Variants in ABHD12 observed in about 807,000 individuals in gnomAD.
ABHD12 encodes the protein lysophosphatidylserine lipase ABHD12.
ABHD12 carries 43 observed loss-of-function variants against 58.3 expected under a neutral mutation model. The ratio of observed to expected loss-of-function variants is 0.74; its 90% CI spans 0.58 to 0.95. The LOEUF (loss-of-function observed/expected upper bound fraction) is 0.95. Among genes scored for constraint, ABHD12 ranks in the 40% least tolerant of loss-of-function variants. The probability of loss-of-function intolerance (pLI) is 0.00; values close to 1 mark genes in which losing one functional copy is unlikely to be tolerated. For synonymous variants in ABHD12, 219 were observed against 211.2 expected, an observed-to-expected ratio of 1.04 and a Z score of -0.32; for missense variants, 539 against 537.2, an observed-to-expected ratio of 1.00 and a Z score of -0.03.
At chr20:25,390,284 G>C in intron 1 of ABHD12, 1 of 417,120 alleles carries the variant, frequency 2.4e-6, no homozygotes, top group Non-Finnish European at 4.2e-6. Context: ...GCAGGACACA[G>C]GGGGTCAGCG....
In ABHD12 at chr20:25,390,544, C is replaced by A. The variant is rs1351511397; in HGVS notation, c.160G>T (p.Ala54Ser). The A allele has an allele frequency of 2.1e-6, 3 of 1,450,044 alleles. No homozygotes were observed. Among genetic ancestry groups the A allele is most frequent in the Non-Finnish European group, 2.7e-6 (3 of 1,105,548 alleles). The allele number at this position is 1,450,044 out of a possible 1,614,324, so 89.8% of individuals were successfully genotyped here. ...GPAAAEPRCAADAGMKRALGR... is the reference protein window; with the variant it reads ...GPAAAEPRCASDAGMKRALGR... Reference sequence around the variant, plus strand: ...AGCGCCCGCTTCATTCCCGCGTCGGCTGCGCAGCGCGGCTCAGCCGCCGCC... The same window carrying A: ...AGCGCCCGCTTCATTCCCGCGTCGGATGCGCAGCGCGGCTCAGCCGCCGCC... The change falls in exon 1 of 13, where the codon GCC (alanine) becomes TCC (serine). Residue 54 changes from alanine to serine, a missense_variant. By Grantham distance (99) the Ala-to-Ser change is moderately conservative (BLOSUM62 1). Coordinates refer to ENST00000339157, the MANE Select transcript of ABHD12 (RefSeq NM_001042472.3).
rs1031849754 is a variant in ABHD12 at position 25,322,381 on chromosome 20, A to T, written c.422+944T>A. Among the ~76,000 whole-genome samples the T allele has an allele frequency of 3.8e-3, 223 of 59,262 alleles. 12 individuals are homozygous for T. The highest frequency in any genetic ancestry group is 0.011 in the African/African-American group (138 of 12,092). The allele number at this position is 59,262 out of a possible 152,430, so 38.9% of individuals were successfully genotyped here. On this transcript the variant is annotated intron_variant, in intron 3 of 12. Coordinates refer to ENST00000339157, the MANE Select transcript of ABHD12 (RefSeq NM_001042472.3). The stretch of plus-strand genomic sequence containing the variant: ...GGAAAAGATATATATATATATATAT[A>T]TTTTTTTTTTTTTTTGAGACAAGAG...
chr20:25,302,574 C>T (rs2088657724), intron 11 of ABHD12, among the ~76,000 whole-genome samples: 2 of 152,218 alleles, frequency 1.3e-5, no homozygotes, highest in East Asian at 3.9e-4. Flanking sequence ...GTCCTCACAC[C>T]TTATAGACTA....
chr20:25,337,280 CAACAAAACAAAAT>C (rs2089387946), intron 2 of ABHD12, among the ~76,000 whole-genome samples: 1 of 152,122 alleles, frequency 6.6e-6, no homozygotes, highest in Non-Finnish European at 1.5e-5. Context: ...CAAAACAAAA[CAACAAAACAAAAT>C]GCCACTGTAG....
At chr20:25,296,644 A>G, downstream of ABHD12, 1 of 1,309,816 alleles carries the variant, frequency 7.6e-7, no homozygotes, top group South Asian at 1.5e-5. Flanking sequence ...CCATGTTTCC[A>G]GGAGGGGCCA....
At position 25,323,439 on chromosome 20, in the gene ABHD12, A is replaced by C. The variant is rs774242737; in HGVS notation, c.317-9T>G. 2 of 1,546,476 alleles carry C rather than the reference A, an allele frequency of 1.3e-6. No individual in the cohort carries two copies. Among genetic ancestry groups the C allele is most frequent in the Non-Finnish European group, 8.9e-7 (1 of 1,118,260 alleles). ...GAAATAGGGAACTCTTACTGTAGGA[A>C]ATAAAGAGATGGAAATTAGGATTAC... is the stretch of plus-strand genomic sequence containing the variant. On this transcript the variant is annotated splice_polypyrimidine_tract_variant and intron_variant, in intron 2 of 12. Coordinates refer to ENST00000339157, the MANE Select transcript of ABHD12 (RefSeq NM_001042472.3).
rs1358370491 is a variant in ABHD12 at position 25,330,527 on chromosome 20, A to G, written c.317-7097T>C. On this transcript the variant is annotated intron_variant, in intron 2 of 12. Coordinates refer to ENST00000339157, the MANE Select transcript of ABHD12 (RefSeq NM_001042472.3). ...CTGGGGGCAGGGCACAGACAAAGAA[A>G]AAGACAGCAGTAACCTCTGCAGACT... Among the ~76,000 whole-genome samples, 3 of 152,356 alleles carry G rather than the reference A, an allele frequency of 2.0e-5. No homozygotes were observed. In the East Asian group the frequency reaches 5.8e-4, roughly 29 times the overall value.
chr20:25,300,787 G>GACTGGAGGAAA lies in ABHD12; in HGVS notation c.*47_*57dup. On this transcript the variant is annotated 3_prime_UTR_variant, in exon 13 of 13. Coordinates refer to ENST00000339157, the MANE Select transcript of ABHD12 (RefSeq NM_001042472.3). ...CGGGGCTTCAGGATACCGGGCTGCT[G>GACTGGAGGAAA]ACTGGAGGAAAACGGGAGGAGGGCA... 1 of 1,613,518 alleles carries GACTGGAGGAAA rather than the reference G, an allele frequency of 6.2e-7. No homozygotes were observed. Among genetic ancestry groups the GACTGGAGGAAA allele is most frequent in the East Asian group, 2.2e-5 (1 of 44,878 alleles).
chr20:25,297,687 C>T (rs905487196), downstream of ABHD12: 4 of 152,306 alleles, frequency 2.6e-5, no homozygotes, highest in African/African-American at 9.6e-5. Context: ...CTGTCCTTCC[C>T]TGTGGAATTG....
downstream of ABHD12, among the ~76,000 whole-genome samples, chr20:25,299,144 T>C (rs2145911274): frequency 6.6e-6 from 1 of 152,356 alleles, no homozygotes; most frequent in South Asian, 2.1e-4. Context: ...GGCTCATGCC[T>C]ATAATCCCAG....
intron 2 of ABHD12, among the ~76,000 whole-genome samples, chr20:25,328,555 A>G (rs1014414047): frequency 6.6e-6 from 1 of 152,246 alleles, no homozygotes; most frequent in Non-Finnish European, 1.5e-5. Context: ...CTGTGTCTGC[A>G]GAAGAATGCC....
At chr20:25,388,789 T>C (rs1432697875) in intron 1 of ABHD12, among the ~76,000 whole-genome samples, 1 of 137,614 alleles carries the variant, frequency 7.3e-6, no homozygotes, top group Non-Finnish European at 1.5e-5. Flanking sequence ...GATTTTTTCT[T>C]TTTTTTTTTT....
intron 6 of ABHD12, among the ~76,000 whole-genome samples, chr20:25,314,381 AT>A (rs1342682982): frequency 6.6e-6 from 1 of 152,168 alleles, no homozygotes; most frequent in Non-Finnish European, 1.5e-5. Flanking sequence ...GTATCTTCTA[AT>A]TTAAAATGCT....
chr20:25,320,148 C>G, intron 4 of ABHD12, 51 bp downstream of exon 4: 1 of 1,609,816 alleles, frequency 6.2e-7, no homozygotes, highest in East Asian at 2.2e-5. Flanking sequence ...CATTCCCACC[C>G]CAAAAAGGAG....
At position 25,308,450 on chromosome 20, in the gene ABHD12, C is replaced by T. The variant is rs1309721687; in HGVS notation, c.787+7G>A. The T allele has an allele frequency of 6.2e-7, 1 of 1,611,190 alleles. No individual in the cohort carries two copies. ...CTGCCACGGCTGGGGCCCAACAAGG[C>T]ACTCACCTCGCTCACAGAGGCGCCG... On this transcript the variant is annotated splice_region_variant and intron_variant, in intron 8 of 12. Transcript: ENST00000339157.
chr20:25,315,436 TA>T (rs981527483), intron 5 of ABHD12, among the ~76,000 whole-genome samples: 50 of 152,202 alleles, frequency 3.3e-4, no homozygotes, highest in African/African-American at 1.1e-3. Flanking sequence ...TTTTTTCTGT[TA>T]TTTTTTTTTA....
chr20:25,389,512 C>G (rs1444446101), intron 1 of ABHD12, among the ~76,000 whole-genome samples: 1 of 152,184 alleles, frequency 6.6e-6, no homozygotes. Context: ...GTAACTTCTT[C>G]AAACCACCAC....
chr20:25,320,810 C>T (rs1052986216), intron 3 of ABHD12, among the ~76,000 whole-genome samples: 30 of 147,556 alleles, frequency 2.0e-4, no homozygotes, highest in African/African-American at 5.8e-4. Flanking sequence ...ACCGGGCCAT[C>T]GCTGACGCCA....
intron 1 of ABHD12, 50 bp downstream of exon 1, chr20:25,390,463 A>G: frequency 7.5e-7 from 1 of 1,327,892 alleles, no homozygotes; most frequent in Admixed American, 3.4e-5. Context: ...GCACCTGCGC[A>G]AAGTGAGGGA....
Sources: gnomAD v4.1 joint callset for allele counts (sites outside exome capture counted in the v4.1 genomes callset) on GRCh38, gnomAD v4.1.1 for gene constraint, MANE v1.5 for transcripts, NCBI Gene and HGNC (gene_info 2026-07-23, HGNC 2026-07-21) for gene names.